Variants in SOCS5 observed in about 807,000 individuals in gnomAD.
The protein encoded by SOCS5 is CIS-6.
In SOCS5, 32 loss-of-function variants were observed where a neutral mutation model predicts 42.8. The ratio of observed to expected loss-of-function variants is 0.75; its 90% CI spans 0.56 to 1.01. SOCS5 has a LOEUF of 1.01. Among genes scored for constraint, SOCS5 ranks in the 50% least tolerant of loss-of-function variants. SOCS5 has a pLI of 0.00. For missense variants in SOCS5, 627 were observed against 653.0 expected (o/e 0.96, Z 0.43); for synonymous variants, 283 against 229.6 (o/e 1.23, Z -2.10).
chr2:46,737,024 C>T (rs1332041967), intron 1 of SOCS5, among the ~76,000 whole-genome samples: 1 of 152,102 alleles, frequency 6.6e-6, no homozygotes. Context: ...ACTCACATAG[C>T]TTCTTGAAAG....
chr2:46,746,557 A>G (rs576870529), intron 1 of SOCS5, among the ~76,000 whole-genome samples: 1 of 151,938 alleles, frequency 6.6e-6, no homozygotes, highest in South Asian at 2.1e-4. Flanking sequence ...AGGCTGAGGC[A>G]GGAGAATGGT....
chr2:46,755,611 A>G (rs949815671), intron 1 of SOCS5, among the ~76,000 whole-genome samples: 2 of 152,224 alleles, frequency 1.3e-5, no homozygotes, highest in African/African-American at 4.8e-5. Context: ...AAGCATGTGT[A>G]GAAATGTAAG....
At chr2:46,718,451 G>T (rs1020107871) in intron 1 of SOCS5, among the ~76,000 whole-genome samples, 2 of 151,964 alleles carry the variant, frequency 1.3e-5, no homozygotes, top group Non-Finnish European at 2.9e-5. Context: ...AGTTACAGAA[G>T]AAATTTTTTA....
intron 1 of SOCS5, among the ~76,000 whole-genome samples, chr2:46,744,984 C>G (rs1261537283): frequency 6.6e-6 from 1 of 150,770 alleles, no homozygotes; most frequent in East Asian, 1.9e-4. Context: ...ATCTGTATAA[C>G]AAGATGTAGA....
At chr2:46,740,738 C>T (rs567385656) in intron 1 of SOCS5, among the ~76,000 whole-genome samples, 1 of 152,034 alleles carries the variant, frequency 6.6e-6, no homozygotes, top group South Asian at 2.1e-4. Context: ...CTGCCACTGC[C>T]TACTGCTCCT....
intron 1 of SOCS5, among the ~76,000 whole-genome samples, chr2:46,701,295 C>G (rs1672338689): frequency 6.6e-6 from 1 of 152,164 alleles, no homozygotes; most frequent in African/African-American, 2.4e-5. Context: ...AAAAGTAAGA[C>G]TCACTGGCTG....
intron 1 of SOCS5, among the ~76,000 whole-genome samples, chr2:46,729,387 A>C (rs1396728389): frequency 6.6e-6 from 1 of 152,164 alleles, no homozygotes. Context: ...TCATTAAGCG[A>C]TTTCATTGTT....
At chr2:46,716,982 G>C (rs907508137) in intron 1 of SOCS5, among the ~76,000 whole-genome samples, 2 of 152,050 alleles carry the variant, frequency 1.3e-5, no homozygotes, top group African/African-American at 4.8e-5. Context: ...ATTGATCCTG[G>C]CCCTGTGTGA....
chr2:46,726,313 A>C (rs76811053), intron 1 of SOCS5, among the ~76,000 whole-genome samples: 10,216 of 151,944 alleles, frequency 0.067, 364 homozygotes, highest in Middle Eastern at 0.13. Flanking sequence ...GGCCAGACTG[A>C]TCTAAAACTC....
chr2:46,748,654 C>T (rs1003140335), intron 1 of SOCS5, among the ~76,000 whole-genome samples: 3 of 151,998 alleles, frequency 2.0e-5, no homozygotes, highest in African/African-American at 7.3e-5. Context: ...ACAGTAGTAT[C>T]TTTTAAGTTT....
intron 1 of SOCS5, among the ~76,000 whole-genome samples, chr2:46,724,205 T>G (rs897241897): frequency 1.3e-5 from 2 of 151,838 alleles, no homozygotes; most frequent in African/African-American, 4.8e-5. Context: ...GGAGATAGTT[T>G]TATTTCTTTC....
chr2:46,731,459 G>A (rs970752073), intron 1 of SOCS5, among the ~76,000 whole-genome samples: 3 of 152,150 alleles, frequency 2.0e-5, no homozygotes, highest in South Asian at 2.1e-4. Flanking sequence ...TGGTGTTTTC[G>A]TTATGACAGC....
chr2:46,738,223 A>T (rs78567119), intron 1 of SOCS5, among the ~76,000 whole-genome samples: 2,871 of 152,294 alleles, frequency 0.019, 76 homozygotes, highest in African/African-American at 0.061. Flanking sequence ...TGTTCCTAAA[A>T]GAAACAGAAT....
chr2:46,723,819 G>T lies in SOCS5; in HGVS notation c.-13+24370G>T, dbSNP rs143310509. Among the ~76,000 whole-genome samples the T allele has an allele frequency of 3.0e-4, 45 of 152,140 alleles. No individual in the cohort carries two copies. In the East Asian group the frequency reaches 7.7e-3, roughly 26 times the overall value. ...TCAGTGCAAAATATCCTGGGGAGGG[G>T]TTGATTAGAATTGTGTTAAATCTGT... On this transcript the variant is annotated intron_variant, in intron 1 of 1. Coordinates refer to ENST00000394861, the MANE Select transcript of SOCS5 (RefSeq NM_144949.3).
At chr2:46,744,249 C>T (rs145940772) in intron 1 of SOCS5, among the ~76,000 whole-genome samples, 6,318 of 152,224 alleles carry the variant, frequency 0.042, 183 homozygotes, top group Middle Eastern at 0.12. Context: ...CTCGGCCTCC[C>T]AAAGTTCTGG....
At chr2:46,700,474 C>T (rs1341605256) in intron 1 of SOCS5, among the ~76,000 whole-genome samples, 1 of 152,206 alleles carries the variant, frequency 6.6e-6, no homozygotes, top group African/African-American at 2.4e-5. Flanking sequence ...GTACTACTGA[C>T]TTTTATTCTA....
chr2:46,701,035 T>G (rs1281626959), intron 1 of SOCS5, among the ~76,000 whole-genome samples: 2 of 152,236 alleles, frequency 1.3e-5, no homozygotes, highest in African/African-American at 4.8e-5. Context: ...TTCTTAGTTC[T>G]TGAATAACTA....
In SOCS5 at chr2:46,758,930, A is replaced by C. The variant is rs759558091; in HGVS notation, c.400A>C (p.Ser134Arg). ...KKHSCSTKTQ[S>R]SLDADKKFGR... ...ACATTCCTGTTCTACAAAGACCCAG[A>C]GTTCATTGGATGCTGATAAAAAGTT... Residue 134 changes from serine to arginine, a missense_variant, in exon 2 of 2, where the codon AGT becomes CGT. Ser to Arg is a moderately radical substitution (Grantham distance 110, BLOSUM62 -1). Around this residue, in one of 3 missense-constraint regions of SOCS5, gnomAD observed 278 missense variants for 246.3 expected, o/e 1.13. Coordinates refer to ENST00000394861, the MANE Select transcript of SOCS5 (RefSeq NM_144949.3). 8.1e-6 allele frequency: 13 copies of C among 1,614,002 alleles called. No individual in the cohort carries two copies. Among genetic ancestry groups the C allele is most frequent in the Non-Finnish European group, 1.1e-5 (13 of 1,179,868 alleles).
rs1046903981 is a variant in SOCS5 at position 46,730,173 on chromosome 2, A to T, written c.-12-28346A>T. ...GTATATGTAAAGAAATCAATCTTAGATACGGATTTTGGCCAACAAATCACT... is the reference window on the plus strand; with the variant it reads ...GTATATGTAAAGAAATCAATCTTAGTTACGGATTTTGGCCAACAAATCACT... On this transcript the variant is annotated intron_variant, in intron 1 of 1. Transcript: ENST00000394861. 2.0e-5 allele frequency among the ~76,000 whole-genome samples: 3 copies of T among 152,184 alleles called. No individual in the cohort carries two copies. In the South Asian group the frequency reaches 6.2e-4, roughly 31 times the overall value.
Sources: gnomAD v4.1 joint callset for allele counts (sites outside exome capture counted in the v4.1 genomes callset) on GRCh38, gnomAD v4.1.1 for gene constraint, gnomAD v4.1.1 regional missense constraint, MANE v1.5 for transcripts, NCBI Gene and HGNC (gene_info 2026-07-23, HGNC 2026-07-21) for gene names.